Variants in ALDH1A2 observed in about 807,000 individuals in gnomAD.
ALDH1A2 encodes the protein aldehyde dehydrogenase 1 family member A2.
ALDH1A2 carries 27 observed loss-of-function variants against 60.3 expected under a neutral mutation model. The ratio of observed to expected loss-of-function variants is 0.45; its 90% CI spans 0.33 to 0.62. The LOEUF (loss-of-function observed/expected upper bound fraction) is 0.62. Among genes scored for constraint, ALDH1A2 ranks in the 20% least tolerant of loss-of-function variants. The pLI, the probability that ALDH1A2 is intolerant of heterozygous loss-of-function variation, is 0.02. For synonymous variants in ALDH1A2, 289 were observed against 232.4 expected (o/e 1.24, Z -2.21); for missense variants, 581 against 643.8 (o/e 0.90, Z 1.06).
intron 4 of ALDH1A2, among the ~76,000 whole-genome samples, chr15:57,998,864 T>C (rs976058646): frequency 4.6e-5 from 7 of 151,858 alleles, no homozygotes; most frequent in Non-Finnish European, 8.8e-5. Flanking sequence ...CACAGACCAA[T>C]GGAACAGAAT....
In ALDH1A2 at chr15:58,065,568, G is replaced by A. The variant is rs777754039; in HGVS notation, c.83C>T (p.Ser28Leu). 37 of 1,613,700 alleles carry A rather than the reference G, an allele frequency of 2.3e-5. No homozygotes were observed. The highest frequency in any genetic ancestry group is 2.9e-5 in the Non-Finnish European group (34 of 1,179,742). ...ALMASLHLLPSPTPNLEIKYT... is the reference protein window; with the variant it reads ...ALMASLHLLPLPTPNLEIKYT... ...CTTAATTTCGAGATTGGGCGTGGGCGACGGCAGGAGGTGCAGCGACGCCAT... is the reference window on the plus strand; with the variant it reads ...CTTAATTTCGAGATTGGGCGTGGGCAACGGCAGGAGGTGCAGCGACGCCAT... The change falls in exon 1 of 13, where the codon TCG becomes TTG. Residue 28 changes from serine (S) to leucine (L), a missense_variant. Coordinates refer to ENST00000249750, the MANE Select transcript of ALDH1A2 (RefSeq NM_003888.4).
At position 58,015,760 on chromosome 15, in the gene ALDH1A2, T is replaced by C. The variant is rs114598010; in HGVS notation, c.118-1479A>G. 6.1e-3 allele frequency among the ~76,000 whole-genome samples: 929 copies of C among 152,318 alleles called. 11 individuals carry two copies. The highest frequency in any genetic ancestry group is 0.021 in the African/African-American group (884 of 41,576). ...CAAAGAAGCAGGTTCTTGTTGTGGC[T>C]GACTCAACAATGTGTTCTTTCCAAT... is the stretch of plus-strand genomic sequence containing the variant. On this transcript the variant is annotated intron_variant, in intron 1 of 12. Transcript: ENST00000249750.
chr15:58,057,996 A>G (rs1595696481), intron 1 of ALDH1A2: 7 of 1,337,002 alleles, frequency 5.2e-6, no homozygotes, highest in Non-Finnish European at 7.1e-6. Context: ...TAAAACATAG[A>G]TGAGGCAGAA....
In ALDH1A2 at chr15:57,954,035, G is replaced by C. The variant is rs35437120; in HGVS notation, c.*1162C>G. The C allele has an allele frequency of 1.3e-5, 2 of 152,452 alleles. No individual in the cohort carries two copies. Among genetic ancestry groups the C allele is most frequent in the African/African-American group, 4.8e-5 (2 of 41,452 alleles). The allele number at this position is 152,452 out of a possible 1,614,324, so 9.4% of individuals were successfully genotyped here. A position where few individuals can be genotyped will look rare whatever the true frequency, so the allele number is the denominator to read the frequency against. ...GGCCTGCCCAGTGAGGGGCAAGAAT[G>C]GGGTGTGACAGAGGAGCTCAGTGGA... On this transcript the variant is annotated 3_prime_UTR_variant, in exon 13 of 13. Transcript: ENST00000249750.
At chr15:58,032,083 T>C (rs575724594) in intron 1 of ALDH1A2, among the ~76,000 whole-genome samples, 1 of 152,172 alleles carries the variant, frequency 6.6e-6, no homozygotes, top group Non-Finnish European at 1.5e-5. Context: ...CTATTCACAA[T>C]AGCAAAGACT....
At chr15:57,975,915 T>A (rs1894239114) in intron 7 of ALDH1A2, among the ~76,000 whole-genome samples, 2 of 152,208 alleles carry the variant, frequency 1.3e-5, no homozygotes, top group South Asian at 4.2e-4. Context: ...TACTGATGGT[T>A]TCACAGGTAG....
intron 7 of ALDH1A2, among the ~76,000 whole-genome samples, chr15:57,991,225 CTTAGCATCTAGCCT>C (rs1894886144): frequency 6.6e-6 from 1 of 152,110 alleles, no homozygotes; most frequent in South Asian, 2.1e-4. Context: ...TTTAGTTTTT[CTTAGCATCTAGCCT>C]TTAGCAAATA....
chr15:58,030,105 A>C (rs1896192470), intron 1 of ALDH1A2, among the ~76,000 whole-genome samples: 1 of 152,212 alleles, frequency 6.6e-6, no homozygotes, highest in African/African-American at 2.4e-5. Context: ...ATTTTAGACC[A>C]ATATCCCTGA....
chr15:58,060,009 G>C (rs1314189852), intron 1 of ALDH1A2, among the ~76,000 whole-genome samples: 1 of 152,132 alleles, frequency 6.6e-6, no homozygotes, highest in African/African-American at 2.4e-5. Context: ...TGCAACCTCT[G>C]CCTCCTGGGT....
In ALDH1A2 at chr15:57,986,924, G is replaced by C. The variant is rs180915029; in HGVS notation, c.798+5781C>G. On this transcript the variant is annotated intron_variant, in intron 7 of 12. Coordinates refer to ENST00000249750, the MANE Select transcript of ALDH1A2 (RefSeq NM_003888.4). The stretch of plus-strand genomic sequence containing the variant: ...CCTGCCTCAGCCTCCCAGAGTACTA[G>C]GATTCCAGGTGTGGGCCACCACGCC... 2.3e-3 allele frequency among the ~76,000 whole-genome samples: 356 copies of C among 152,158 alleles called. 2 individuals are homozygous for C. The highest frequency in any genetic ancestry group is 8.4e-3 in the African/African-American group (348 of 41,504).
At chr15:57,959,709 G>T (rs1893659078) in intron 12 of ALDH1A2, among the ~76,000 whole-genome samples, 1 of 152,186 alleles carries the variant, frequency 6.6e-6, no homozygotes, top group Admixed American at 6.5e-5. Flanking sequence ...TAAGTAATTT[G>T]TCCAAGGTTG....
chr15:58,012,487 T>C (rs1895661567), intron 3 of ALDH1A2, among the ~76,000 whole-genome samples: 1 of 152,208 alleles, frequency 6.6e-6, no homozygotes, highest in African/African-American at 2.4e-5. Flanking sequence ...GTGATGAGAC[T>C]CAAATAAGCT....
chr15:58,033,682 C>CTT (rs5812918), intron 1 of ALDH1A2, among the ~76,000 whole-genome samples: 2 of 134,526 alleles, frequency 1.5e-5, no homozygotes, highest in African/African-American at 2.7e-5. Context: ...TGTTAGGACT[C>CTT]TTTTTTTTTT....
intron 10 of ALDH1A2, among the ~76,000 whole-genome samples, 176 bp downstream of exon 10, chr15:57,961,836 G>T (rs144193097): frequency 6.6e-6 from 1 of 152,246 alleles, no homozygotes; most frequent in African/African-American, 2.4e-5. Flanking sequence ...TAGCTTGCTT[G>T]TCTTTTGGTT....
chr15:58,014,962 T>C (rs1208299521), intron 1 of ALDH1A2, among the ~76,000 whole-genome samples: 1 of 152,160 alleles, frequency 6.6e-6, no homozygotes, highest in Non-Finnish European at 1.5e-5. Context: ...AAATTGAGAT[T>C]AAAATGGCAA....
chr15:57,988,264 T>C (rs1894776675), intron 7 of ALDH1A2, among the ~76,000 whole-genome samples: 1 of 152,176 alleles, frequency 6.6e-6, no homozygotes, highest in Non-Finnish European at 1.5e-5. Flanking sequence ...AAGTATTTAA[T>C]GGTAGACTGT....
intron 4 of ALDH1A2, among the ~76,000 whole-genome samples, chr15:58,006,379 T>A (rs1279201304): frequency 6.6e-6 from 1 of 152,030 alleles, no homozygotes. Context: ...TATTCCATGG[T>A]GCATATTTAC....
intron 1 of ALDH1A2, among the ~76,000 whole-genome samples, chr15:58,017,335 G>GTA (rs1285836026): frequency 6.6e-6 from 1 of 152,098 alleles, no homozygotes; most frequent in East Asian, 1.9e-4. Flanking sequence ...CTGAAGGTAG[G>GTA]TATATATGTA....
chr15:57,957,749 G>A (rs1299434100), intron 12 of ALDH1A2, among the ~76,000 whole-genome samples: 1 of 152,174 alleles, frequency 6.6e-6, no homozygotes, highest in Non-Finnish European at 1.5e-5. Context: ...CTCTTCGCCA[G>A]CCATTTTAGG....
Sources: gnomAD v4.1 joint callset for allele counts (sites outside exome capture counted in the v4.1 genomes callset) on GRCh38, gnomAD v4.1.1 for gene constraint, MANE v1.5 for transcripts, NCBI Gene and HGNC (gene_info 2026-07-23, HGNC 2026-07-21) for gene names.